The following DUSP28 variants were observed in gnomAD, a reference collection of about 807,000 sequenced individuals.
The protein encoded by DUSP28 is dual specificity phosphatase 28.
Under a neutral mutation model 8.4 loss-of-function variants are expected in DUSP28, and 11 were observed. The observed-to-expected ratio is 1.31, with a 90% confidence interval of 0.83 to 2.17. The LOEUF (loss-of-function observed/expected upper bound fraction) is 2.17, where lower values mean the gene tolerates loss of function less well. DUSP28 is among the 30% of genes most tolerant of loss of function. The pLI is 0.00. For synonymous variants in DUSP28, 178 were observed against 130.9 expected, an observed-to-expected ratio of 1.36 and a Z score of -2.46; for missense variants, 373 against 270.4, an observed-to-expected ratio of 1.38 and a Z score of -2.66.
upstream of DUSP28, chr2:240,560,121 G>A (rs925839141): frequency 1.6e-4 from 25 of 152,528 alleles, no homozygotes; most frequent in African/African-American, 5.8e-4. Context: ...ATAATACATA[G>A]AAAAAAATGC....
At position 240,561,007 on chromosome 2, in the gene DUSP28, G is replaced by A; in HGVS notation, c.323G>A (p.Ser108Asn). ...CTAGTCTACTGCAAGAACGGCCGCA[G>A]CCGCTCGGCCGCCGTCTGCACCGCG... is the stretch of plus-strand genomic sequence containing the variant. ...ACLVYCKNGR[S>N]RSAAVCTAYL... The change falls in exon 1 of 2, where the codon AGC (serine) becomes AAC (asparagine). Residue 108 changes from serine (S) to asparagine (N), a missense_variant. Coordinates refer to ENST00000405954, the MANE Select transcript of DUSP28 (RefSeq NM_001370465.2). 1 of 1,536,748 alleles carries A rather than the reference G, an allele frequency of 6.5e-7. No individual in the cohort carries two copies. Among genetic ancestry groups the A allele is most frequent in the South Asian group, 1.2e-5 (1 of 84,200 alleles).
rs2092997384 is a variant in DUSP28 at position 240,564,891 on chromosome 2, T to C, written c.*3424T>C. Among the ~76,000 whole-genome samples the C allele has an allele frequency of 6.6e-6, 1 of 152,220 alleles. No homozygotes were observed. ...GGGAACCCGGGAGGCCTCCAGCATC[T>C]GCACCCCTCTCCTACTTTGATCTCT... is the stretch of plus-strand genomic sequence containing the variant. On this transcript the variant is annotated 3_prime_UTR_variant, in exon 2 of 2. Transcript: ENST00000405954.
Position 240,560,965 on chromosome 2 carries a change from G to T in DUSP28, c.281G>T (p.Arg94Leu). 6.6e-7 allele frequency: 1 copy of T among 1,514,028 alleles called. No individual in the cohort carries two copies. The highest frequency in any genetic ancestry group is 2.7e-5 in the East Asian group (1 of 37,188). 93.8% of individuals were successfully genotyped at this position (1,514,028 alleles called of 1,614,324 possible). A position where few individuals can be genotyped will look rare whatever the true frequency, so the allele number is the denominator to read the frequency against. ...TGCGCCGCCATGGAGGCCGCGGTGC[G>T]CGCCGGCGGCGCCTGCCTAGTCTAC... ...PTCAAMEAAV[R>L]AGGACLVYCK... Residue 94 changes from arginine (R) to leucine (L), a missense_variant, in exon 1 of 2, where the codon CGC (arginine) becomes CTC (leucine). By Grantham distance (102) the Arg-to-Leu change is moderately radical. Transcript: ENST00000405954.
Position 240,560,792 on chromosome 2 carries a change from G to T in DUSP28, c.108G>T (p.Ala36=). 1.0e-5 allele frequency: 15 copies of T among 1,453,752 alleles called. No individual in the cohort carries two copies. The highest frequency in any genetic ancestry group is 1.3e-5 in the Non-Finnish European group (14 of 1,110,844). The allele number at this position is 1,453,752 out of a possible 1,614,324, so 90.1% of individuals were successfully genotyped here. ...LFLGSARAAG[A]EEQLARAGVT... Reference sequence around the variant, plus strand: ...TCGGGAGCGCGCGAGCCGCGGGCGCGGAGGAGCAGCTGGCGCGCGCGGGAG... The same window carrying T: ...TCGGGAGCGCGCGAGCCGCGGGCGCTGAGGAGCAGCTGGCGCGCGCGGGAG... Residue 36 remains alanine, a synonymous_variant, in exon 1 of 2, where the codon GCG becomes GCT. Coordinates refer to ENST00000405954, the MANE Select transcript of DUSP28 (RefSeq NM_001370465.2).
At position 240,561,029 on chromosome 2, in the gene DUSP28, C is replaced by T; in HGVS notation, c.345C>T (p.Thr115=). The change falls in exon 1 of 2, where the codon ACC becomes ACT. Residue 115 remains threonine (T), a synonymous_variant. Transcript: ENST00000405954. ...GCAGCCGCTCGGCCGCCGTCTGCAC[C>T]GCGTACCTCATGCGGCACCGCGGCC... The part of the protein sequence containing the change: ...NGRSRSAAVC[T]AYLMRHRGLS... 1.3e-6 allele frequency: 2 copies of T among 1,534,220 alleles called. No individual in the cohort carries two copies. The highest frequency in any genetic ancestry group is 8.7e-7 in the Non-Finnish European group (1 of 1,151,692).
Position 240,562,146 on chromosome 2 carries a change from G to T in DUSP28, c.*679G>T, listed in dbSNP as rs536721451. 1 of 152,176 alleles carries T rather than the reference G, an allele frequency of 6.6e-6. No homozygotes were observed. 9.4% of individuals were successfully genotyped at this position (152,176 alleles called of 1,614,324 possible). A position where few individuals can be genotyped will look rare whatever the true frequency, so the allele number is the denominator to read the frequency against. ...GTTGCCCAGGCTGGAGTGCAGTGGC[G>T]CAATCCCGGCTCACTGCAACCTCCG... On this transcript the variant is annotated 3_prime_UTR_variant, in exon 2 of 2. Coordinates refer to ENST00000405954, the MANE Select transcript of DUSP28 (RefSeq NM_001370465.2).
At position 240,560,533 on chromosome 2, in the gene DUSP28, G is replaced by T. The variant is rs576520296; in HGVS notation, c.-152G>T. 174 of 1,159,352 alleles carry T rather than the reference G, an allele frequency of 1.5e-4. 1 individual carries two copies. The South Asian group carries it at 4.3e-3, about 29-fold the overall frequency. 71.8% of individuals were successfully genotyped at this position (1,159,352 alleles called of 1,614,324 possible). A position where few individuals can be genotyped will look rare whatever the true frequency, so the allele number is the denominator to read the frequency against. Reference sequence around the variant, plus strand: ...CTGTCCCGGCCCAGCGCCCGCGGGGGACCCAAGCCCCAGCCTGGTCCACCT... The same window carrying T: ...CTGTCCCGGCCCAGCGCCCGCGGGGTACCCAAGCCCCAGCCTGGTCCACCT... On this transcript the variant is annotated 5_prime_UTR_variant, in exon 1 of 2. Transcript: ENST00000405954.
In DUSP28 at chr2:240,563,996, AAATAAT is replaced by A. The variant is rs964118174; in HGVS notation, c.*2535_*2540del. On this transcript the variant is annotated 3_prime_UTR_variant, in exon 2 of 2. Coordinates refer to ENST00000405954, the MANE Select transcript of DUSP28 (RefSeq NM_001370465.2). ...GACACATCTGGAATTTGCTGCAATA[AAATAAT>A]AATAAGAAAGCATTGGCAGCTTTGG... The A allele has an allele frequency of 2.0e-5, 3 of 152,398 alleles. No homozygotes were observed. Among genetic ancestry groups the A allele is most frequent in the African/African-American group, 4.8e-5 (2 of 41,464 alleles). 9.4% of individuals were successfully genotyped at this position (152,398 alleles called of 1,614,324 possible).
rs2092996421 is a variant in DUSP28, at chr2:240,564,522, C to G, written c.*3055C>G. On this transcript the variant is annotated 3_prime_UTR_variant, in exon 2 of 2. Transcript: ENST00000405954. Reference sequence around the variant, plus strand: ...CGTCCTCTCCCTCTGGTCAGCTCAGCTTATTAAACAAGCCTTGGTCAGGAA... The same window carrying G: ...CGTCCTCTCCCTCTGGTCAGCTCAGGTTATTAAACAAGCCTTGGTCAGGAA... Among the ~76,000 whole-genome samples, 1 of 152,226 alleles carries G rather than the reference C, an allele frequency of 6.6e-6. No individual in the cohort carries two copies. Among genetic ancestry groups the G allele is most frequent in the African/African-American group, 2.4e-5 (1 of 41,452 alleles).
In DUSP28 at chr2:240,560,985, GTC is replaced by G. The variant is rs1559408704; in HGVS notation, c.303_304del (p.Tyr102LeufsTer52). On this transcript the variant is annotated frameshift_variant, in exon 1 of 2. Transcript: ENST00000405954. LOFTEE classifies it high-confidence loss of function. ...AAVRAGGACL[V>X]YCKNGRSRSA... The stretch of plus-strand genomic sequence containing the variant: ...GGTGCGCGCCGGCGGCGCCTGCCTA[GTC>G]TACTGCAAGAACGGCCGCAGCCGCT... The G allele has an allele frequency of 6.5e-7, 1 of 1,545,372 alleles. No individual in the cohort carries two copies. The highest frequency in any genetic ancestry group is 2.0e-5 in the Admixed American group (1 of 50,876).
Position 240,560,420 on chromosome 2 carries a change from C to G in DUSP28, c.-265C>G, listed in dbSNP as rs1054993191. The G allele has an allele frequency of 1.1e-5, 4 of 359,486 alleles. No homozygotes were observed. The allele number at this position is 359,486 out of a possible 1,614,324, so 22.3% of individuals were successfully genotyped here. On this transcript the variant is annotated 5_prime_UTR_variant, in exon 1 of 2. Coordinates refer to ENST00000405954, the MANE Select transcript of DUSP28 (RefSeq NM_001370465.2). ...GAGGACGGCGCCCGGGGACAGAGAA[C>G]ATGGGACGCAGAGCGGTCCAAGGCC...
At position 240,561,514 on chromosome 2, in the gene DUSP28, C is replaced by A. The variant is rs748666348; in HGVS notation, c.*47C>A. ...GAGGAAGGATGTCCCTGCACTGATACAGAAGGCTGGTCTTTACCCTTCTTC... is the reference window on the plus strand; with the variant it reads ...GAGGAAGGATGTCCCTGCACTGATAAAGAAGGCTGGTCTTTACCCTTCTTC... On this transcript the variant is annotated 3_prime_UTR_variant, in exon 2 of 2. Coordinates refer to ENST00000405954, the MANE Select transcript of DUSP28 (RefSeq NM_001370465.2). 18 of 1,572,926 alleles carry A rather than the reference C, an allele frequency of 1.1e-5. No individual in the cohort carries two copies. Among genetic ancestry groups the A allele is most frequent in the Non-Finnish European group, 1.5e-5 (17 of 1,160,394 alleles).
In DUSP28 at chr2:240,561,319, C is replaced by G. The variant is rs200201123; in HGVS notation, c.394-11C>G. Reference sequence around the variant, plus strand: ...CGACTTGGGGTTATTCAGTACACTTCTTGTTTGCAGATGGTGAAGAGCGCT... The same window carrying G: ...CGACTTGGGGTTATTCAGTACACTTGTTGTTTGCAGATGGTGAAGAGCGCT... On this transcript the variant is annotated splice_polypyrimidine_tract_variant and intron_variant, in intron 1 of 1. Transcript: ENST00000405954. 4 of 1,613,714 alleles carry G rather than the reference C, an allele frequency of 2.5e-6. No homozygotes were observed. Among genetic ancestry groups the G allele is most frequent in the Non-Finnish European group, 3.4e-6 (4 of 1,180,042 alleles).
rs1256130217 is a variant in DUSP28 at position 240,563,597 on chromosome 2, A to G, written c.*2130A>G. The G allele has an allele frequency of 1.3e-5, 2 of 152,704 alleles. No homozygotes were observed. Among genetic ancestry groups the G allele is most frequent in the South Asian group, 2.1e-4 (1 of 4,832 alleles). The allele number at this position is 152,704 out of a possible 1,614,324, so 9.5% of individuals were successfully genotyped here. On this transcript the variant is annotated 3_prime_UTR_variant, in exon 2 of 2. Transcript: ENST00000405954. ...TTACCACCTAGGCGGAAGCTCAGCC[A>G]TTGAAATGACGATCAGGTGCTTCAC...
At chr2:240,560,285 GC>G (rs1189016379), upstream of DUSP28, 1 of 165,640 alleles carries the variant, frequency 6.0e-6, no homozygotes, top group Admixed American at 6.4e-5. Flanking sequence ...CGCGAAGTGG[GC>G]GGGCCCGGCC....
At position 240,560,646 on chromosome 2, in the gene DUSP28, G is replaced by A; in HGVS notation, c.-39G>A. ...GGCGGGCGCCTGAGCCCCCAAAATAGATCCTCAGGGCCCAAAAGCAGACTC... is the reference window on the plus strand; with the variant it reads ...GGCGGGCGCCTGAGCCCCCAAAATAAATCCTCAGGGCCCAAAAGCAGACTC... On this transcript the variant is annotated 5_prime_UTR_variant, in exon 1 of 2. Transcript: ENST00000405954. The A allele has an allele frequency of 6.8e-7, 1 of 1,462,426 alleles. No individual in the cohort carries two copies. The allele number at this position is 1,462,426 out of a possible 1,614,324, so 90.6% of individuals were successfully genotyped here.
upstream of DUSP28, chr2:240,560,354 G>C (rs538894732): frequency 3.2e-3 from 720 of 223,788 alleles, 8 homozygotes; most frequent in African/African-American, 0.015. Context: ...GCGCCCAAGA[G>C]CCACAGACGC....
rs2092888322 is a variant in DUSP28, at chr2:240,560,585, C to G, written c.-100C>G. 1.5e-6 allele frequency: 2 copies of G among 1,323,864 alleles called. No homozygotes were observed. Among genetic ancestry groups the G allele is most frequent in the Non-Finnish European group, 1.9e-6 (2 of 1,039,764 alleles). The allele number at this position is 1,323,864 out of a possible 1,614,324, so 82.0% of individuals were successfully genotyped here. The stretch of plus-strand genomic sequence containing the variant: ...GGAGGCCTCTAGGACCCGGGGGCGC[C>G]CGGCGGCCCGCCCGGCTCCCACAAA... On this transcript the variant is annotated 5_prime_UTR_variant, in exon 1 of 2. Coordinates refer to ENST00000405954, the MANE Select transcript of DUSP28 (RefSeq NM_001370465.2).
In DUSP28 at chr2:240,564,141, G is replaced by A. The variant is rs2092995258; in HGVS notation, c.*2674G>A. The A allele has an allele frequency of 6.6e-6, 1 of 152,282 alleles. No individual in the cohort carries two copies. The highest frequency in any genetic ancestry group is 2.1e-4 in the South Asian group (1 of 4,830). 9.4% of individuals were successfully genotyped at this position (152,282 alleles called of 1,614,324 possible). A position where few individuals can be genotyped will look rare whatever the true frequency, so the allele number is the denominator to read the frequency against. On this transcript the variant is annotated 3_prime_UTR_variant, in exon 2 of 2. Transcript: ENST00000405954. ...TCTCTCAAGCATCATCACCACTTTT[G>A]CTCAGTTATCAGTAGTAATAACAGC... is the stretch of plus-strand genomic sequence containing the variant.
Sources: gnomAD v4.1 joint callset for allele counts (sites outside exome capture counted in the v4.1 genomes callset) on GRCh38, gnomAD v4.1.1 for gene constraint, MANE v1.5 for transcripts, NCBI Gene and HGNC (gene_info 2026-07-23, HGNC 2026-07-21) for gene names.